ALPK2: variants seen among roughly 807,000 people sequenced by gnomAD.
ALPK2 encodes the protein alpha kinase 2, also known as alpha-protein kinase 2.
In ALPK2, 127 loss-of-function variants were observed where a neutral mutation model predicts 163.1. The observed-to-expected ratio is 0.78, with a 90% confidence interval of 0.67 to 0.90. The LOEUF is 0.90. ALPK2 is among the 40% of genes least tolerant of loss of function. The pLI, the probability that ALPK2 is intolerant of heterozygous loss-of-function variation, is 0.00. For synonymous variants in ALPK2, 953 were observed against 959.1 expected (o/e 0.99, Z 0.12); for missense variants, 2,360 against 2,589.6 (o/e 0.91, Z 1.92).
chr18:58,563,187 T>G (rs1414977462), intron 4 of ALPK2, among the ~76,000 whole-genome samples: 1 of 152,230 alleles, frequency 6.6e-6, no homozygotes, highest in Non-Finnish European at 1.5e-5. Context: ...TTAGAGCCCT[T>G]GGACTTTTGA....
chr18:58,553,014 GAC>G lies in ALPK2; in HGVS notation c.1963-14792_1963-14791del, dbSNP rs549233289. On this transcript the variant is annotated intron_variant, in intron 4 of 12. Coordinates refer to ENST00000361673, the MANE Select transcript of ALPK2 (RefSeq NM_052947.4). The stretch of plus-strand genomic sequence containing the variant: ...GGGAAGAGAAAAATTTGAACACAGA[GAC>G]ACAGAGGGAAGAAGGCCATGTGATG... 5.0e-3 allele frequency among the ~76,000 whole-genome samples: 768 copies of G among 152,270 alleles called. 4 individuals are homozygous for G. The highest frequency in any genetic ancestry group is 0.017 in the African/African-American group (716 of 41,560).
chr18:58,487,907 T>G (rs2051348435), intron 12 of ALPK2, among the ~76,000 whole-genome samples: 1 of 152,214 alleles, frequency 6.6e-6, no homozygotes, highest in Non-Finnish European at 1.5e-5. Context: ...ATATATAGTC[T>G]TTTCTCAACT....
chr18:58,571,434 A>AAG (rs2051885527), intron 4 of ALPK2, among the ~76,000 whole-genome samples: 1 of 151,858 alleles, frequency 6.6e-6, no homozygotes, highest in Admixed American at 6.6e-5. Context: ...CAGGAAAAAA[A>AAG]AAAAAAAAAA....
At chr18:58,615,620 G>A (rs1254386200) in intron 1 of ALPK2, among the ~76,000 whole-genome samples, 1 of 152,168 alleles carries the variant, frequency 6.6e-6, no homozygotes, top group African/African-American at 2.4e-5. Flanking sequence ...TTTCTGCTGT[G>A]GGTTACCACA....
intron 4 of ALPK2, among the ~76,000 whole-genome samples, chr18:58,539,367 G>A (rs977050072): frequency 2.6e-5 from 4 of 152,142 alleles, no homozygotes; most frequent in Non-Finnish European, 4.4e-5. Context: ...AAGAGAGGAA[G>A]GCAGAGAAAA....
In ALPK2 at chr18:58,537,052, A is replaced by G; in HGVS notation, c.3135T>C (p.His1045=). ...GTEERFPRAS[H]EKVSQFPSQV... ...GGGAAGGAAATTGGGAAACCTTTTC[A>G]TGGGATGCACGAGGGAACCTCTCCT... The change falls in exon 5 of 13, where the codon CAT becomes CAC. Residue 1045 remains histidine (H), a synonymous_variant. Coordinates refer to ENST00000361673, the MANE Select transcript of ALPK2 (RefSeq NM_052947.4). 1.2e-6 allele frequency: 2 copies of G among 1,613,946 alleles called. No homozygotes were observed. Among genetic ancestry groups the G allele is most frequent in the Non-Finnish European group, 1.7e-6 (2 of 1,179,780 alleles).
At chr18:58,573,290 A>ATATGTATATATG (rs1467131001) in intron 4 of ALPK2, among the ~76,000 whole-genome samples, 1 of 147,024 alleles carries the variant, frequency 6.8e-6, no homozygotes, top group East Asian at 1.9e-4. Context: ...ATGTGTATAT[A>ATATGTATATATG]TGTATATATG....
intron 4 of ALPK2, among the ~76,000 whole-genome samples, chr18:58,569,858 C>T (rs539932516): frequency 1.8e-4 from 28 of 152,252 alleles, no homozygotes; most frequent in Non-Finnish European, 4.0e-4. Flanking sequence ...TGGCTGGGCG[C>T]GGTGGCTCAT....
chr18:58,547,003 A>G (rs1253677136), intron 4 of ALPK2, among the ~76,000 whole-genome samples: 3 of 100,548 alleles, frequency 3.0e-5, no homozygotes, highest in African/African-American at 1.0e-4. Flanking sequence ...AAAATGGAGT[A>G]GGGTGATGGA....
chr18:58,560,699 G>A (rs956501898), intron 4 of ALPK2, among the ~76,000 whole-genome samples: 4 of 152,230 alleles, frequency 2.6e-5, no homozygotes, highest in African/African-American at 9.6e-5. Context: ...GATGTCTTTG[G>A]AGGGAATTAT....
intron 6 of ALPK2, among the ~76,000 whole-genome samples, chr18:58,526,250 C>T (rs959482484): frequency 6.6e-6 from 1 of 152,136 alleles, no homozygotes; most frequent in Non-Finnish European, 1.5e-5. Context: ...CAGAAGAACA[C>T]AAAGAGTGAA....
intron 1 of ALPK2, among the ~76,000 whole-genome samples, chr18:58,623,179 C>T (rs2052211285): frequency 6.6e-6 from 1 of 152,084 alleles, no homozygotes; most frequent in African/African-American, 2.4e-5. Flanking sequence ...TCAACCCAGC[C>T]AGTCAGAGTG....
chr18:58,514,859 G>A (rs918856888), intron 10 of ALPK2, 134 bp downstream of exon 10: 14 of 405,592 alleles, frequency 3.5e-5, no homozygotes, highest in South Asian at 3.2e-4. Flanking sequence ...GATAGCAGCC[G>A]TGTGAGCCCT....
intron 4 of ALPK2, among the ~76,000 whole-genome samples, chr18:58,575,085 T>A: frequency 6.6e-6 from 1 of 151,772 alleles, no homozygotes; most frequent in East Asian, 1.9e-4. Context: ...TGGTGGCCCA[T>A]GTCTGTCATC....
rs186210681 is a variant in ALPK2, at chr18:58,503,298, G to A, written c.6247+633C>T. 1.4e-4 allele frequency among the ~76,000 whole-genome samples: 22 copies of A among 152,356 alleles called. No homozygotes were observed. In the East Asian group the frequency reaches 3.9e-3, roughly 27 times the overall value. ...TTTACCTTATGGTAGATCTGGATTTGAGAATATATTGCTGAGTTTAGGCCT... is the reference window on the plus strand; with the variant it reads ...TTTACCTTATGGTAGATCTGGATTTAAGAATATATTGCTGAGTTTAGGCCT... On this transcript the variant is annotated intron_variant, in intron 11 of 12. Coordinates refer to ENST00000361673, the MANE Select transcript of ALPK2 (RefSeq NM_052947.4).
Position 58,517,112 on chromosome 18 carries a change from G to A in ALPK2, c.5736C>T (p.Gly1912=). Residue 1912 remains glycine (G), a synonymous_variant, in exon 9 of 13, where the codon GGC becomes GGT. Coordinates refer to ENST00000361673, the MANE Select transcript of ALPK2 (RefSeq NM_052947.4). ...CCGTGGCGATCTGACCACGCAGGCG[G>A]CCCCCAAAGTAGCTGTCATGGAGGA... is the stretch of plus-strand genomic sequence containing the variant. ...EDFLHDSYFG[G]RLRGQIATEE... 1 of 1,614,224 alleles carries A rather than the reference G, an allele frequency of 6.2e-7. No homozygotes were observed. The highest frequency in any genetic ancestry group is 8.5e-7 in the Non-Finnish European group (1 of 1,180,034).
At chr18:58,492,300 G>A (rs565913016) in intron 12 of ALPK2, among the ~76,000 whole-genome samples, 152 of 151,750 alleles carry the variant, frequency 1.0e-3, no homozygotes, top group Admixed American at 2.1e-3. Flanking sequence ...ACACACACAC[G>A]CACACATTCC....
intron 4 of ALPK2, among the ~76,000 whole-genome samples, chr18:58,562,735 A>T (rs1040187049): frequency 6.6e-6 from 1 of 152,222 alleles, no homozygotes; most frequent in Admixed American, 6.5e-5. Context: ...TATTTCTTCT[A>T]GTTATGGAAG....
At chr18:58,624,033 C>T (rs1255999890) in intron 1 of ALPK2, among the ~76,000 whole-genome samples, 2 of 152,206 alleles carry the variant, frequency 1.3e-5, no homozygotes, top group Non-Finnish European at 1.5e-5. Context: ...CTAATCAAGC[C>T]TCTTCCATCA....
Sources: gnomAD v4.1 joint callset for allele counts (sites outside exome capture counted in the v4.1 genomes callset) on GRCh38, gnomAD v4.1.1 for gene constraint, MANE v1.5 for transcripts, NCBI Gene and HGNC (gene_info 2026-07-23, HGNC 2026-07-21) for gene names.